The following TMEM117 variants were observed in gnomAD, a reference collection of about 807,000 sequenced individuals.
TMEM117 encodes the protein transmembrane protein 117.
A neutral mutation model predicts 52.4 loss-of-function variants in TMEM117; 27 were observed. The observed-to-expected ratio is 0.51, with a 90% CI of 0.38 to 0.71. TMEM117 has a LOEUF of 0.71. Among genes scored for constraint, TMEM117 ranks in the 30% least tolerant of loss-of-function variants. The pLI, the probability that TMEM117 is intolerant of heterozygous loss-of-function variation, is 0.00. For synonymous variants in TMEM117, 215 were observed against 206.3 expected (o/e 1.04, Z -0.36); for missense variants, 556 against 630.5 (o/e 0.88, Z 1.26).
chr12:43,894,146 A>G (rs770368462), intron 2 of TMEM117, among the ~76,000 whole-genome samples: 1 of 152,218 alleles, frequency 6.6e-6, no homozygotes, highest in Non-Finnish European at 1.5e-5. Flanking sequence ...GTCTCTGCTC[A>G]TTGCCAAGAG....
At chr12:43,992,978 T>C (rs1474556232) in intron 3 of TMEM117, among the ~76,000 whole-genome samples, 1 of 152,124 alleles carries the variant, frequency 6.6e-6, no homozygotes, top group Non-Finnish European at 1.5e-5. Flanking sequence ...AAATATATAT[T>C]GAATGAATAA....
At chr12:44,213,784 G>T (rs118017272) in intron 5 of TMEM117, among the ~76,000 whole-genome samples, 2,584 of 152,308 alleles carry the variant, frequency 0.017, 27 homozygotes, top group Non-Finnish European at 0.025. Context: ...CTTCAGCTGT[G>T]ATTGTAAGTT....
chr12:44,026,690 T>C (rs1393532721), intron 3 of TMEM117, among the ~76,000 whole-genome samples: 1 of 152,244 alleles, frequency 6.6e-6, no homozygotes, highest in Non-Finnish European at 1.5e-5. Flanking sequence ...GTTTAATCAT[T>C]TTGTTAATCT....
chr12:43,877,890 AACACACACACACACAC>A (rs369405497), intron 2 of TMEM117, among the ~76,000 whole-genome samples: 2,384 of 143,100 alleles, frequency 0.017, 33 homozygotes, highest in South Asian at 0.032. Context: ...GTAAAAACAA[AACACACACACACACAC>A]ACACACACAC....
intron 3 of TMEM117, among the ~76,000 whole-genome samples, chr12:43,976,445 A>G (rs1945671785): frequency 6.6e-6 from 1 of 152,172 alleles, no homozygotes; most frequent in Non-Finnish European, 1.5e-5. Flanking sequence ...TACAGATTTA[A>G]TGACAAAGGC....
At chr12:44,070,779 T>C (rs1321045718) in intron 3 of TMEM117, among the ~76,000 whole-genome samples, 1 of 152,202 alleles carries the variant, frequency 6.6e-6, no homozygotes, top group East Asian at 1.9e-4. Context: ...TATGAGGCAT[T>C]ACCAATTGCA....
intron 3 of TMEM117, among the ~76,000 whole-genome samples, chr12:44,081,566 G>A (rs2138014430): frequency 6.6e-6 from 1 of 152,206 alleles, no homozygotes; most frequent in Middle Eastern, 3.4e-3. Flanking sequence ...TCAATAATTA[G>A]ATGGCCTTGG....
At chr12:44,278,052 G>A (rs1950536512) in intron 5 of TMEM117, among the ~76,000 whole-genome samples, 1 of 152,058 alleles carries the variant, frequency 6.6e-6, no homozygotes, top group South Asian at 2.1e-4. Context: ...GTGAGCCACT[G>A]CGCCTGGCCA....
chr12:43,912,314 A>G (rs986089734), intron 2 of TMEM117, among the ~76,000 whole-genome samples: 5 of 147,402 alleles, frequency 3.4e-5, no homozygotes, highest in Admixed American at 6.8e-5. Flanking sequence ...ACATGGACAC[A>G]GGAAGGGGAA....
chr12:43,884,133 C>CAAAA (rs758603064), intron 2 of TMEM117, among the ~76,000 whole-genome samples: 7 of 69,526 alleles, frequency 1.0e-4, no homozygotes, highest in Middle Eastern at 7.4e-3. Context: ...GATACCATCT[C>CAAAA]AAAAAAAAAA....
intron 5 of TMEM117, among the ~76,000 whole-genome samples, chr12:44,241,475 T>C (rs1276512173): frequency 6.6e-6 from 1 of 152,004 alleles, no homozygotes. Flanking sequence ...TTGGTGATAG[T>C]GGACAATTTT....
intron 3 of TMEM117, among the ~76,000 whole-genome samples, chr12:43,997,008 G>A (rs117677470): frequency 0.015 from 2,213 of 152,310 alleles, 19 homozygotes; most frequent in Non-Finnish European, 0.022. Flanking sequence ...AGTTGTTCTG[G>A]CGGCTCAGTC....
At chr12:44,137,836 G>A in intron 3 of TMEM117, among the ~76,000 whole-genome samples, 1 of 152,146 alleles carries the variant, frequency 6.6e-6, no homozygotes. Flanking sequence ...TCCAAGATGA[G>A]ATTTGGGTAG....
chr12:44,092,371 G>C (rs1173696645), intron 3 of TMEM117, among the ~76,000 whole-genome samples: 1 of 152,182 alleles, frequency 6.6e-6, no homozygotes, highest in Non-Finnish European at 1.5e-5. Flanking sequence ...GCTGAGCTCA[G>C]TACAGTGGGC....
At chr12:43,903,016 T>C (rs942546855) in intron 2 of TMEM117, among the ~76,000 whole-genome samples, 4 of 152,332 alleles carry the variant, frequency 2.6e-5, no homozygotes, top group Admixed American at 1.3e-4. Context: ...ATTGATGGAA[T>C]TTTTAAACTG....
At chr12:44,118,051 C>T (rs17094117) in intron 3 of TMEM117, among the ~76,000 whole-genome samples, 35,382 of 151,268 alleles carry the variant, frequency 0.23, 6,976 homozygotes, top group African/African-American at 0.54. Context: ...AAAAAAAACA[C>T]GTACAGAGAA....
chr12:44,212,227 T>A (rs1368312332), intron 5 of TMEM117, among the ~76,000 whole-genome samples: 1 of 152,192 alleles, frequency 6.6e-6, no homozygotes, highest in East Asian at 1.9e-4. Context: ...CTGAGTAGTG[T>A]GATGAAGCCT....
chr12:43,844,241 C>G (rs183139433), intron 1 of TMEM117, among the ~76,000 whole-genome samples: 9 of 152,294 alleles, frequency 5.9e-5, no homozygotes, highest in African/African-American at 1.7e-4. Context: ...GTGGGAGGAT[C>G]ACTTGAGCCC....
At chr12:44,324,197 T>C (rs1164187444) in intron 6 of TMEM117, among the ~76,000 whole-genome samples, 2 of 152,088 alleles carry the variant, frequency 1.3e-5, no homozygotes, top group African/African-American at 2.4e-5. Flanking sequence ...GTGAGACATA[T>C]GAAAGGATTG....
Sources: allele counts gnomAD v4.1 joint callset (sites outside exome capture counted in the v4.1 genomes callset), GRCh38; gene constraint gnomAD v4.1.1; transcripts MANE v1.5; gene names NCBI Gene and HGNC (gene_info 2026-07-23, HGNC 2026-07-21).